SYT1: variants seen among roughly 807,000 people sequenced by gnomAD.
The protein encoded by SYT1 is synaptotagmin 1.
Under a neutral mutation model 44.8 loss-of-function variants are expected in SYT1, and 8 were observed. The observed-to-expected ratio is 0.18, with a 90% CI of 0.10 to 0.32. The LOEUF is 0.32. Among genes scored for constraint, SYT1 ranks in the 10% least tolerant of loss-of-function variants. The pLI is 1.00. For synonymous variants in SYT1, 154 were observed against 188.8 expected (o/e 0.82, Z 1.51); for missense variants, 286 against 509.3 (o/e 0.56, Z 4.22).
At chr12:79,419,849 A>G (rs1868993493) in intron 9 of SYT1, among the ~76,000 whole-genome samples, 1 of 152,024 alleles carries the variant, frequency 6.6e-6, no homozygotes, top group Non-Finnish European at 1.5e-5. Context: ...GTATGTTTTT[A>G]TGACACACAC....
chr12:78,879,753 T>C (rs1874356222), intron 1 of SYT1, among the ~76,000 whole-genome samples: 1 of 151,842 alleles, frequency 6.6e-6, no homozygotes, highest in South Asian at 2.1e-4. Context: ...AACTTGACTT[T>C]CAAGTCCATG....
Position 78,933,038 on chromosome 12 carries a change from ATTTG to A in SYT1, c.-216-44756_-216-44753del, listed in dbSNP as rs1357143898. 3.9e-5 allele frequency among the ~76,000 whole-genome samples: 6 copies of A among 152,244 alleles called. No individual in the cohort carries two copies. The South Asian group carries it at 1.0e-3, about 26-fold the overall frequency. On this transcript the variant is annotated intron_variant, in intron 1 of 10. Transcript: ENST00000261205. ...CATCACTCCTGGTATCCTTGGAAAT[ATTTG>A]TTTGATTTTGAAGAAAGCCTCTAAG...
chr12:78,905,953 T>C (rs1875958350), intron 1 of SYT1, among the ~76,000 whole-genome samples: 1 of 152,076 alleles, frequency 6.6e-6, no homozygotes, highest in African/African-American at 2.4e-5. Context: ...GAGTTTTCCC[T>C]TCACCGAAGT....
chr12:79,264,270 C>T lies in SYT1; in HGVS notation c.167-21517C>T, dbSNP rs190847023. ...TCTCTGCTCACTGCAAGCTCCACCT[C>T]TCAGGTTCATGCCATTCTCCTGCCT... On this transcript the variant is annotated intron_variant, in intron 4 of 10. Transcript: ENST00000261205. Among the ~76,000 whole-genome samples, 441 of 151,694 alleles carry T rather than the reference C, an allele frequency of 2.9e-3. 3 individuals are homozygous for T. The highest frequency in any genetic ancestry group is 0.01 in the African/African-American group (415 of 41,304).
At chr12:79,223,131 C>T (rs1875275952) in intron 4 of SYT1, among the ~76,000 whole-genome samples, 1 of 152,160 alleles carries the variant, frequency 6.6e-6, no homozygotes, top group Non-Finnish European at 1.5e-5. Flanking sequence ...TCACTTGCAC[C>T]TTAGTTTTTT....
At chr12:79,250,910 A>C (rs754120214) in intron 4 of SYT1, among the ~76,000 whole-genome samples, 8 of 152,026 alleles carry the variant, frequency 5.3e-5, no homozygotes, top group Non-Finnish European at 1.0e-4. Context: ...TGTCCTCTAC[A>C]TGTTGGTTAT....
At chr12:79,357,208 T>G (rs1025162535) in intron 9 of SYT1, among the ~76,000 whole-genome samples, 1 of 152,208 alleles carries the variant, frequency 6.6e-6, no homozygotes, top group African/African-American at 2.4e-5. Flanking sequence ...ATGCAAAAAA[T>G]GCAAATCTCA....
At chr12:79,331,289 A>T (rs1881843636) in intron 8 of SYT1, among the ~76,000 whole-genome samples, 2 of 152,102 alleles carry the variant, frequency 1.3e-5, no homozygotes, top group East Asian at 1.9e-4. Context: ...AACCTACAAG[A>T]TTCTTCTTTT....
chr12:79,201,421 G>A (rs7299929), intron 3 of SYT1, among the ~76,000 whole-genome samples: 124,945 of 152,150 alleles, frequency 0.82, 51,994 homozygotes, highest in African/African-American at 0.96. Flanking sequence ...TCAGTTCTGT[G>A]TAAGTCAAAT....
At chr12:78,935,602 T>C (rs1183651581) in intron 1 of SYT1, among the ~76,000 whole-genome samples, 1 of 152,148 alleles carries the variant, frequency 6.6e-6, no homozygotes, top group East Asian at 1.9e-4. Context: ...TTACCCTTGC[T>C]TTATGCTGAG....
Position 79,300,412 on chromosome 12 carries a change from C to T in SYT1, c.810+861C>T, listed in dbSNP as rs115989206. Among the ~76,000 whole-genome samples, 504 of 152,152 alleles carry T rather than the reference C, an allele frequency of 3.3e-3. 3 individuals are homozygous for T. The highest frequency in any genetic ancestry group is 0.012 in the African/African-American group (490 of 41,532). On this transcript the variant is annotated intron_variant, in intron 8 of 10. Transcript: ENST00000261205. Reference sequence around the variant, plus strand: ...TGCTGACAGCTCAGTCATTTAGGATCTCCAGGTCCCTAGGATTCCCTGGCC... The same window carrying T: ...TGCTGACAGCTCAGTCATTTAGGATTTCCAGGTCCCTAGGATTCCCTGGCC...
At chr12:79,349,746 T>C (rs1334735962) in intron 8 of SYT1, among the ~76,000 whole-genome samples, 2 of 152,156 alleles carry the variant, frequency 1.3e-5, no homozygotes, top group African/African-American at 4.8e-5. Context: ...TTCTTTTTAA[T>C]TTAGAAAATC....
chr12:78,999,788 G>A (rs1239701874), intron 2 of SYT1, among the ~76,000 whole-genome samples: 8 of 152,124 alleles, frequency 5.3e-5, no homozygotes, highest in Admixed American at 4.6e-4. Flanking sequence ...ACAAGGTGTA[G>A]AAGCTTGCTA....
chr12:79,083,966 C>A (rs1307844626), intron 3 of SYT1, among the ~76,000 whole-genome samples: 1 of 152,086 alleles, frequency 6.6e-6, no homozygotes, highest in Non-Finnish European at 1.5e-5. Context: ...TATCTCCTAA[C>A]AAGAACTAAA....
intron 9 of SYT1, 112 bp downstream of exon 9, chr12:79,353,731 C>G (rs1883002571): frequency 1.2e-6 from 1 of 801,830 alleles, no homozygotes; most frequent in Non-Finnish European, 2.2e-6. Context: ...AGTTCTCTTT[C>G]CTATGGAGCC....
At chr12:79,432,758 C>T (rs557647072) in intron 9 of SYT1, among the ~76,000 whole-genome samples, 15 of 152,074 alleles carry the variant, frequency 9.9e-5, no homozygotes, top group Non-Finnish European at 1.5e-4. Context: ...GGATTACAGG[C>T]GTGTACAACC....
rs147295458 is a variant in SYT1, at chr12:78,883,009, T to C, written c.-217+17900T>C. Among the ~76,000 whole-genome samples, 22 of 151,808 alleles carry C rather than the reference T, an allele frequency of 1.4e-4. No individual in the cohort carries two copies. In the East Asian group the frequency reaches 4.3e-3, roughly 29 times the overall value. ...ATAAATCTTCTAGCTAAAGATAAAG[T>C]AGAGATTGTTACTGAAATACAAGGT... is the stretch of plus-strand genomic sequence containing the variant. On this transcript the variant is annotated intron_variant, in intron 1 of 10. Coordinates refer to ENST00000261205, the MANE Select transcript of SYT1 (RefSeq NM_005639.3).
chr12:79,080,711 A>G (rs1398053640), intron 3 of SYT1, among the ~76,000 whole-genome samples: 3 of 152,178 alleles, frequency 2.0e-5, no homozygotes, highest in Non-Finnish European at 4.4e-5. Context: ...TTTAGACTCT[A>G]TTATCTTAAA....
At chr12:79,382,073 G>A (rs1255085028) in intron 9 of SYT1, among the ~76,000 whole-genome samples, 2 of 152,240 alleles carry the variant, frequency 1.3e-5, no homozygotes, top group Non-Finnish European at 2.9e-5. Context: ...TTTAGTCAAC[G>A]TGTTTTTCAA....
Sources: gnomAD v4.1 joint callset for allele counts (sites outside exome capture counted in the v4.1 genomes callset) on GRCh38, gnomAD v4.1.1 for gene constraint, MANE v1.5 for transcripts, NCBI Gene and HGNC (gene_info 2026-07-23, HGNC 2026-07-21) for gene names.